Variants in DNM2 observed in about 807,000 individuals in gnomAD.
DNM2 encodes the protein dynamin-2.
DNM2 carries 15 observed loss-of-function variants against 99.0 expected under a neutral mutation model. That is an observed-to-expected ratio of 0.15 (90% CI 0.10 to 0.23). The LOEUF (loss-of-function observed/expected upper bound fraction) is 0.23. DNM2 is among the 10% of genes least tolerant of loss of function. The probability of loss-of-function intolerance (pLI) is 1.00; values close to 1 mark genes in which losing one functional copy is unlikely to be tolerated. For synonymous variants in DNM2, 525 were observed against 481.2 expected (o/e 1.09, Z -1.19); for missense variants, 742 against 1,189.4 (o/e 0.62, Z 5.53).
At chr19:10,731,515 G>A (rs1255138532) in intron 1 of DNM2, among the ~76,000 whole-genome samples, 1 of 152,032 alleles carries the variant, frequency 6.6e-6, no homozygotes, top group East Asian at 1.9e-4. Context: ...ACCACGCCTG[G>A]CTAATTTTTT....
chr19:10,722,062 C>T (rs1484352515), intron 1 of DNM2, among the ~76,000 whole-genome samples: 1 of 152,110 alleles, frequency 6.6e-6, no homozygotes, highest in Non-Finnish European at 1.5e-5. Flanking sequence ...TACCCTGGGG[C>T]CTAGATGGGT....
chr19:10,758,735 C>T (rs1568283184), intron 1 of DNM2, among the ~76,000 whole-genome samples: 3 of 151,214 alleles, frequency 2.0e-5, no homozygotes, highest in Admixed American at 6.6e-5. Context: ...TTAGTAGAGA[C>T]GGGGTTTCGC....
chr19:10,825,711 C>T (rs376521475), intron 18 of DNM2, among the ~76,000 whole-genome samples: 2 of 149,180 alleles, frequency 1.3e-5, no homozygotes, highest in South Asian at 2.1e-4. Flanking sequence ...AAAAAGTAGC[C>T]GGGCATGGTG....
intron 1 of DNM2, among the ~76,000 whole-genome samples, chr19:10,734,418 T>C (rs2069446642): frequency 6.7e-6 from 1 of 150,238 alleles, no homozygotes; most frequent in African/African-American, 2.5e-5. Flanking sequence ...GGAGGCTAGA[T>C]TGCTTGAGCC....
chr19:10,799,828 C>T (rs2072073673), intron 11 of DNM2, among the ~76,000 whole-genome samples: 1 of 151,706 alleles, frequency 6.6e-6, no homozygotes, highest in Non-Finnish European at 1.5e-5. Flanking sequence ...GCTACCACGC[C>T]CAGCCTGCTT....
intron 7 of DNM2, 139 bp downstream of exon 7, chr19:10,786,845 C>G (rs2071577225): frequency 1.3e-6 from 2 of 1,501,504 alleles, no homozygotes; most frequent in Non-Finnish European, 1.8e-6. Context: ...TTCTGCGTGC[C>G]AGGCTCCATC....
rs375035215 is a variant in DNM2, at chr19:10,790,872, CCT to C, written c.993-2846_993-2845del. Among the ~76,000 whole-genome samples, 103 of 151,540 alleles carry C rather than the reference CCT, an allele frequency of 6.8e-4. No homozygotes were observed. The Middle Eastern group carries it at 0.01, about 15-fold the overall frequency. On this transcript the variant is annotated intron_variant, in intron 7 of 20. Transcript: ENST00000389253. ...GCCTCACCACTTGGGCTCAGGTGATCCTCCCACCACAGCCTCCCGAGTAGCTG... is the reference window on the plus strand; with the variant it reads ...GCCTCACCACTTGGGCTCAGGTGATCCCCACCACAGCCTCCCGAGTAGCTG...
chr19:10,743,481 C>G (rs2145774163), intron 1 of DNM2, among the ~76,000 whole-genome samples: 1 of 151,114 alleles, frequency 6.6e-6, no homozygotes, highest in African/African-American at 2.4e-5. Context: ...TCGAGACCAG[C>G]CTTGCAAAAC....
Position 10,831,233 on chromosome 19 carries a change from A to G in DNM2, c.*186A>G. The G allele has an allele frequency of 2.2e-6, 3 of 1,341,466 alleles. No homozygotes were observed. The highest frequency in any genetic ancestry group is 1.9e-6 in the Non-Finnish European group (2 of 1,050,444). The allele number at this position is 1,341,466 out of a possible 1,614,324, so 83.1% of individuals were successfully genotyped here. A position where few individuals can be genotyped will look rare whatever the true frequency, so the allele number is the denominator to read the frequency against. ...GCCTGGCTGGACACCGCACTGCGCA[A>G]AGGGGCCCTGGAGCTCCAGGCAGGG... On this transcript the variant is annotated 3_prime_UTR_variant, in exon 21 of 21. Coordinates refer to ENST00000389253, the MANE Select transcript of DNM2 (RefSeq NM_001005361.3). The surrounding 1 kb of genome is among the most constrained non-coding windows in gnomAD (Gnocchi z 4.3).
chr19:10,795,933 C>T lies in DNM2; in HGVS notation c.1196+494C>T. ...AGGGTTTCCGGGCAGTGGACTCAGG[C>T]ATCCGACCCCACACATGACACAACC... is the stretch of plus-strand genomic sequence containing the variant. On this transcript the variant is annotated intron_variant, in intron 9 of 20. Coordinates refer to ENST00000389253, the MANE Select transcript of DNM2 (RefSeq NM_001005361.3). This position sits in a 1 kb window ranked among gnomAD's most constrained non-coding sequence, Gnocchi z 4.2. 1 of 1,502,050 alleles carries T rather than the reference C, an allele frequency of 6.7e-7. No homozygotes were observed. The highest frequency in any genetic ancestry group is 1.4e-5 in the African/African-American group (1 of 73,038). 93.0% of individuals were successfully genotyped at this position (1,502,050 alleles called of 1,614,324 possible). A position where few individuals can be genotyped will look rare whatever the true frequency, so the allele number is the denominator to read the frequency against.
In DNM2 at chr19:10,795,752, A is replaced by G. The variant is rs1599569294; in HGVS notation, c.1196+313A>G. ...ATGCTCACTGCAGATTTGCCTGGGG[A>G]GGGGCGGGGCGGCACTGAATCAGGG... On this transcript the variant is annotated intron_variant, in intron 9 of 20. Transcript: ENST00000389253. The surrounding 1 kb of genome is among the most constrained non-coding windows in gnomAD (Gnocchi z 4.2). The G allele has an allele frequency of 5.2e-6, 3 of 578,868 alleles. No individual in the cohort carries two copies. The highest frequency in any genetic ancestry group is 5.9e-5 in the East Asian group (2 of 33,638). The allele number at this position is 578,868 out of a possible 1,614,324, so 35.9% of individuals were successfully genotyped here.
At chr19:10,787,970 G>A (rs541553518) in intron 7 of DNM2, among the ~76,000 whole-genome samples, 19 of 152,080 alleles carry the variant, frequency 1.2e-4, no homozygotes, top group Admixed American at 5.9e-4. Context: ...GGTGGCTTAC[G>A]CCTGTAATCC....
At chr19:10,745,616 C>T (rs565809812) in intron 1 of DNM2, among the ~76,000 whole-genome samples, 1 of 152,258 alleles carries the variant, frequency 6.6e-6, no homozygotes, top group South Asian at 2.1e-4. Flanking sequence ...AGGATCGCTT[C>T]AGCCCAGGAG....
intron 3 of DNM2, among the ~76,000 whole-genome samples, chr19:10,773,901 C>T (rs1599526091): frequency 6.6e-6 from 1 of 152,122 alleles, no homozygotes; most frequent in South Asian, 2.1e-4. Flanking sequence ...TTTTAGCCAC[C>T]TTGCCCAGCC....
Position 10,795,539 on chromosome 19 carries a change from C to G in DNM2, c.1196+100C>G, listed in dbSNP as rs1388919305. On this transcript the variant is annotated intron_variant, in intron 9 of 20. Coordinates refer to ENST00000389253, the MANE Select transcript of DNM2 (RefSeq NM_001005361.3). This position sits in a 1 kb window ranked among gnomAD's most constrained non-coding sequence, Gnocchi z 4.2. ...CACCTCTGAGTCCCTAATCGTTAGG[C>G]CTTAAGAGGGCTCTTGGATGGTTTT... is the stretch of plus-strand genomic sequence containing the variant. The G allele has an allele frequency of 7.3e-7, 1 of 1,373,128 alleles. No individual in the cohort carries two copies. Among genetic ancestry groups the G allele is most frequent in the Admixed American group, 1.7e-5 (1 of 58,712 alleles). 85.1% of individuals were successfully genotyped at this position (1,373,128 alleles called of 1,614,324 possible). A position where few individuals can be genotyped will look rare whatever the true frequency, so the allele number is the denominator to read the frequency against.
chr19:10,786,895 C>G (rs984732464), intron 7 of DNM2, among the ~76,000 whole-genome samples, 189 bp downstream of exon 7: 3 of 152,220 alleles, frequency 2.0e-5, no homozygotes, highest in African/African-American at 7.2e-5. Flanking sequence ...GACAGGTGTC[C>G]GTCCCTGCCC....
At chr19:10,726,350 C>T (rs770042219) in intron 1 of DNM2, among the ~76,000 whole-genome samples, 9 of 152,044 alleles carry the variant, frequency 5.9e-5, no homozygotes, top group African/African-American at 9.7e-5. Context: ...TGTGAGCCGC[C>T]GAACCCGGCC....
intron 7 of DNM2, among the ~76,000 whole-genome samples, chr19:10,791,836 A>T (rs544537526): frequency 1.3e-5 from 2 of 152,172 alleles, no homozygotes; most frequent in African/African-American, 4.8e-5. Flanking sequence ...CTGTAATCCC[A>T]GCACTTTGGG....
intron 6 of DNM2, among the ~76,000 whole-genome samples, chr19:10,783,806 T>C (rs1380035142): frequency 6.6e-6 from 1 of 151,962 alleles, no homozygotes; most frequent in Non-Finnish European, 1.5e-5. Context: ...GTTCGAGTGA[T>C]TCTCCTGCCT....
Sources: allele counts gnomAD v4.1 joint callset (sites outside exome capture counted in the v4.1 genomes callset), GRCh38; gene constraint gnomAD v4.1.1; non-coding constraint Gnocchi (gnomAD v3.1); transcripts MANE v1.5; gene names NCBI Gene and HGNC (gene_info 2026-07-23, HGNC 2026-07-21).